GREB1L: variants seen among roughly 807,000 people sequenced by gnomAD.
GREB1L encodes GREB1-like protein.
Under a neutral mutation model 200.8 loss-of-function variants are expected in GREB1L, and 17 were observed. The ratio of observed to expected loss-of-function variants is 0.08; its 90% CI spans 0.06 to 0.13. The LOEUF is 0.13. GREB1L is among the 10% of genes least tolerant of loss of function. The pLI, the probability that GREB1L is intolerant of heterozygous loss-of-function variation, is 1.00. For missense variants in GREB1L, 1,657 were observed against 2,367.7 expected (o/e 0.70, Z 6.23); for synonymous variants, 789 against 893.0 (o/e 0.88, Z 2.08).
rs115144282 is a variant in GREB1L, at chr18:21,516,104, A to G, written c.5129+460A>G. On this transcript the variant is annotated intron_variant, in intron 29 of 32. Transcript: ENST00000424526. ...TCCTACTGTAGGGAAAAGGCAGCAG[A>G]TGGGGATGAGCAGGGTAGCCATGGC... Among the ~76,000 whole-genome samples, 656 of 152,248 alleles carry G rather than the reference A, an allele frequency of 4.3e-3. 3 individuals are homozygous for G. Among genetic ancestry groups the G allele is most frequent in the African/African-American group, 0.015 (628 of 41,536 alleles).
At chr18:21,328,587 G>A (rs2039060037) in intron 1 of GREB1L, among the ~76,000 whole-genome samples, 1 of 152,132 alleles carries the variant, frequency 6.6e-6, no homozygotes, top group Non-Finnish European at 1.5e-5. Context: ...ACTTGCTCAG[G>A]GGGGTCTATT....
chr18:21,374,542 A>G (rs2039996880), intron 2 of GREB1L, among the ~76,000 whole-genome samples: 1 of 152,202 alleles, frequency 6.6e-6, no homozygotes, highest in African/African-American at 2.4e-5. Flanking sequence ...TAAAACTTCA[A>G]ATGAGTTATT....
intron 27 of GREB1L, among the ~76,000 whole-genome samples, chr18:21,508,979 G>A (rs1261579473): frequency 6.6e-6 from 1 of 152,164 alleles, no homozygotes; most frequent in East Asian, 1.9e-4. Flanking sequence ...CCCAGATCAA[G>A]AGGGGCCCCT....
At chr18:21,296,134 G>A (rs191330540) in intron 1 of GREB1L, among the ~76,000 whole-genome samples, 4 of 152,234 alleles carry the variant, frequency 2.6e-5, no homozygotes, top group South Asian at 2.1e-4. Flanking sequence ...TCACATATTC[G>A]TTGCAGCACT....
chr18:21,426,958 C>CA (rs568993346), intron 7 of GREB1L, among the ~76,000 whole-genome samples: 993 of 67,712 alleles, frequency 0.015, 10 homozygotes, highest in Non-Finnish European at 0.027. Context: ...GACTACGTCT[C>CA]AAAAAAAAAA....
intron 7 of GREB1L, among the ~76,000 whole-genome samples, chr18:21,411,961 C>T (rs955502572): frequency 6.9e-6 from 1 of 145,792 alleles, no homozygotes; most frequent in East Asian, 2.2e-4. Context: ...AGGAGAATGG[C>T]GTGAACCCGG....
At chr18:21,450,080 T>A (rs1222371014) in intron 12 of GREB1L, among the ~76,000 whole-genome samples, 2 of 152,208 alleles carry the variant, frequency 1.3e-5, no homozygotes, top group African/African-American at 2.4e-5. Context: ...CTCTCCCTAG[T>A]AACAGATACC....
intron 1 of GREB1L, among the ~76,000 whole-genome samples, chr18:21,300,660 T>A (rs1263570664): frequency 6.6e-6 from 1 of 152,204 alleles, no homozygotes; most frequent in Non-Finnish European, 1.5e-5. Flanking sequence ...ACCTAGTCTG[T>A]CCATCTGGGT....
chr18:21,360,718 A>T (rs2039569725), intron 1 of GREB1L, among the ~76,000 whole-genome samples: 1 of 152,246 alleles, frequency 6.6e-6, no homozygotes, highest in Non-Finnish European at 1.5e-5. Flanking sequence ...CCTCTCATTT[A>T]AATAAAACAA....
rs150729805 is a variant in GREB1L, at chr18:21,346,273, A to G, written c.-119-19754A>G. On this transcript the variant is annotated intron_variant, in intron 1 of 32. Coordinates refer to ENST00000424526, the MANE Select transcript of GREB1L (RefSeq NM_001142966.3). ...TGCACCCACACAGGCTATCATGACC[A>G]CTCACTAGGACTATAGTAGGAGTTT... Among the ~76,000 whole-genome samples, 414 of 152,084 alleles carry G rather than the reference A, an allele frequency of 2.7e-3. 1 individual carries two copies. The highest frequency in any genetic ancestry group is 9.6e-3 in the African/African-American group (397 of 41,478).
chr18:21,318,940 C>G (rs2038912157), intron 1 of GREB1L, among the ~76,000 whole-genome samples: 1 of 152,146 alleles, frequency 6.6e-6, no homozygotes, highest in African/African-American at 2.4e-5. Flanking sequence ...GTGGCCTGCT[C>G]TGGAAGAAGG....
chr18:21,360,983 G>T (rs1243958129), intron 1 of GREB1L, among the ~76,000 whole-genome samples: 2 of 152,176 alleles, frequency 1.3e-5, no homozygotes, highest in Non-Finnish European at 2.9e-5. Flanking sequence ...GATAACAAGG[G>T]TAGAATAAAT....
chr18:21,285,290 G>A (rs1421786030), intron 1 of GREB1L, among the ~76,000 whole-genome samples: 1 of 152,006 alleles, frequency 6.6e-6, no homozygotes, highest in African/African-American at 2.4e-5. Flanking sequence ...TTTGTGATTT[G>A]TGTCTAAGAA....
chr18:21,451,005 C>G lies in GREB1L; in HGVS notation c.1721-18C>G. ...TTGTTCTGTTGATGAGTCTTCTCTT[C>G]TCTCCTCCATCCTGCAGGTCAGCAC... On this transcript the variant is annotated intron_variant, in intron 12 of 32. Coordinates refer to ENST00000424526, the MANE Select transcript of GREB1L (RefSeq NM_001142966.3). 1.3e-6 allele frequency: 2 copies of G among 1,550,804 alleles called. No individual in the cohort carries two copies. Among genetic ancestry groups the G allele is most frequent in the Non-Finnish European group, 8.7e-7 (1 of 1,146,430 alleles).
chr18:21,367,887 C>A, intron 2 of GREB1L, among the ~76,000 whole-genome samples: 1 of 152,086 alleles, frequency 6.6e-6, no homozygotes, highest in East Asian at 1.9e-4. Context: ...TTACCACAAC[C>A]CATGACCTCA....
chr18:21,495,258 A>T (rs1251932888), intron 19 of GREB1L, among the ~76,000 whole-genome samples: 1 of 152,216 alleles, frequency 6.6e-6, no homozygotes, highest in East Asian at 1.9e-4. Context: ...TTTTTGAGTC[A>T]TTCACAACTG....
intron 1 of GREB1L, among the ~76,000 whole-genome samples, chr18:21,266,537 C>T (rs1361318483): frequency 1.3e-5 from 2 of 152,144 alleles, no homozygotes; most frequent in Admixed American, 6.5e-5. Context: ...CTGAGGGCCC[C>T]CTGCAGCTGC....
At chr18:21,457,512 A>G (rs2034823229) in intron 15 of GREB1L, among the ~76,000 whole-genome samples, 1 of 152,204 alleles carries the variant, frequency 6.6e-6, no homozygotes, top group African/African-American at 2.4e-5. Flanking sequence ...AAGGGTAACC[A>G]CTGTTAAAAT....
intron 21 of GREB1L, among the ~76,000 whole-genome samples, chr18:21,498,927 A>G (rs2036663171): frequency 6.6e-6 from 1 of 152,308 alleles, no homozygotes; most frequent in South Asian, 2.1e-4. Context: ...CCGAGCTCAG[A>G]GAGGGCCTTT....
Sources: allele counts gnomAD v4.1 joint callset (sites outside exome capture counted in the v4.1 genomes callset), GRCh38; gene constraint gnomAD v4.1.1; transcripts MANE v1.5; gene names NCBI Gene and HGNC (gene_info 2026-07-23, HGNC 2026-07-21).